Variants in PCDHGA5 observed in about 807,000 individuals in gnomAD.
PCDHGA5 encodes the protein protocadherin gamma subfamily A, 5.
PCDHGA5 carries 36 observed loss-of-function variants against 56.7 expected under a neutral mutation model. The observed-to-expected ratio is 0.64, with a 90% CI of 0.49 to 0.84. The LOEUF (loss-of-function observed/expected upper bound fraction) is 0.84, where lower values mean the gene tolerates loss of function less well. Among genes scored for constraint, PCDHGA5 ranks in the 40% least tolerant of loss-of-function variants. The probability of loss-of-function intolerance (pLI) is 0.00; values close to 1 mark genes in which losing one functional copy is unlikely to be tolerated. For missense variants in PCDHGA5, 1,305 were observed against 1,201.5 expected, an observed-to-expected ratio of 1.09 and a Z score of -1.27; for synonymous variants, 563 against 520.2, an observed-to-expected ratio of 1.08 and a Z score of -1.12.
At chr5:141,392,965 A>C in intron 1 of PCDHGA5, 1 of 1,613,890 alleles carries the variant, frequency 6.2e-7, no homozygotes, top group East Asian at 2.2e-5. Context: ...ATCTCCAAGG[A>C]CCTGGGGCTG....
chr5:141,419,894 C>G, intron 1 of PCDHGA5: 1 of 1,613,926 alleles, frequency 6.2e-7, no homozygotes, highest in Non-Finnish European at 8.5e-7. Flanking sequence ...CAGCGACCAT[C>G]CCACACCCTC....
chr5:141,432,650 G>T lies in PCDHGA5; in HGVS notation c.2422-62157G>T. 6.2e-7 allele frequency: 1 copy of T among 1,613,868 alleles called. No individual in the cohort carries two copies. The highest frequency in any genetic ancestry group is 1.1e-5 in the South Asian group (1 of 91,064). On this transcript the variant is annotated intron_variant, in intron 1 of 3. Transcript: ENST00000518069. The surrounding 1 kb of genome is among the most constrained non-coding windows in gnomAD (Gnocchi z 6.0). The stretch of plus-strand genomic sequence containing the variant: ...CACGGGCGAGGTGCGCACGGCGCGA[G>T]CCCTGCTGGACAGAGACGCGCTCAA...
chr5:141,501,715 C>G lies in PCDHGA5; in HGVS notation c.2481-3678C>G, dbSNP rs139761188. On this transcript the variant is annotated intron_variant, in intron 2 of 3. Coordinates refer to ENST00000518069, the MANE Select transcript of PCDHGA5 (RefSeq NM_018918.3). ...AGGGTGATTCCGAGGATAAAAAAGA[C>G]AAATATATTACCCAGTCAGCTTAGA... 1.3e-3 allele frequency among the ~76,000 whole-genome samples: 192 copies of G among 152,192 alleles called. 1 individual carries two copies. The highest frequency in any genetic ancestry group is 4.5e-3 in the African/African-American group (185 of 41,512).
intron 1 of PCDHGA5, among the ~76,000 whole-genome samples, chr5:141,460,478 A>G (rs989135238): frequency 6.6e-5 from 10 of 152,136 alleles, no homozygotes; most frequent in African/African-American, 2.4e-4. Context: ...GGAATATCCA[A>G]TTGTCTCTTT....
In PCDHGA5 at chr5:141,434,786, T is replaced by A. The variant is rs867453805; in HGVS notation, c.2422-60021T>A. ...TTCACACTTCTAAAAAAAAAAAAAT[T>A]TTTTTTTCTGAGCTTGGAGAAATAT... On this transcript the variant is annotated intron_variant, in intron 1 of 3. Coordinates refer to ENST00000518069, the MANE Select transcript of PCDHGA5 (RefSeq NM_018918.3). 6.8e-4 allele frequency among the ~76,000 whole-genome samples: 102 copies of A among 150,682 alleles called. 1 individual carries two copies. The highest frequency in any genetic ancestry group is 1.8e-3 in the African/African-American group (72 of 40,898).
At chr5:141,478,884 C>A in intron 1 of PCDHGA5, 1 of 1,194,298 alleles carries the variant, frequency 8.4e-7, no homozygotes, top group Non-Finnish European at 1.1e-6. Flanking sequence ...AGCTTGGTAT[C>A]ATTTACATTA....
chr5:141,476,642 C>T lies in PCDHGA5; in HGVS notation c.2422-18165C>T. On this transcript the variant is annotated intron_variant, in intron 1 of 3. Transcript: ENST00000518069. This position sits in a 1 kb window ranked among gnomAD's most constrained non-coding sequence, Gnocchi z 7.6. The stretch of plus-strand genomic sequence containing the variant: ...CTCTTTACAAACCTATGAGCTGAGC[C>T]GAAATGAATACTTTGCGCTTCGCGT... The T allele has an allele frequency of 1.9e-6, 3 of 1,614,240 alleles. No individual in the cohort carries two copies. The highest frequency in any genetic ancestry group is 2.5e-6 in the Non-Finnish European group (3 of 1,180,050).
At position 141,421,915 on chromosome 5, in the gene PCDHGA5, C is replaced by T. The variant is rs751221129; in HGVS notation, c.2421+55164C>T. ...CATCCGAAAGGGCGCAGTTCCCATT[C>T]GTGTGGTGGTCCTCGATGTAAATGA... is the stretch of plus-strand genomic sequence containing the variant. On this transcript the variant is annotated intron_variant, in intron 1 of 3. Transcript: ENST00000518069. 18 of 1,613,504 alleles carry T rather than the reference C, an allele frequency of 1.1e-5. No individual in the cohort carries two copies. The South Asian group carries it at 1.5e-4, about 14-fold the overall frequency.
chr5:141,505,041 C>T (rs1028101225), intron 2 of PCDHGA5, among the ~76,000 whole-genome samples: 4 of 152,142 alleles, frequency 2.6e-5, no homozygotes, highest in African/African-American at 9.7e-5. Flanking sequence ...AGGTGCCTGT[C>T]ATCCCAGCTA....
chr5:141,449,916 T>C (rs1453191109), intron 1 of PCDHGA5, among the ~76,000 whole-genome samples: 1 of 151,912 alleles, frequency 6.6e-6, no homozygotes, highest in East Asian at 1.9e-4. Context: ...CATATTTAAA[T>C]TCTACCATAC....
Position 141,485,890 on chromosome 5 carries a change from C to G in PCDHGA5, c.2422-8917C>G. 4 of 1,614,156 alleles carry G rather than the reference C, an allele frequency of 2.5e-6. No individual in the cohort carries two copies. Among genetic ancestry groups the G allele is most frequent in the Non-Finnish European group, 2.5e-6 (3 of 1,180,022 alleles). The stretch of plus-strand genomic sequence containing the variant: ...CCGTGCTGGACGTAAACGACAACGC[C>G]CCAGCCTTCCAGCAATCCAGCTACA... On this transcript the variant is annotated intron_variant, in intron 1 of 3. Coordinates refer to ENST00000518069, the MANE Select transcript of PCDHGA5 (RefSeq NM_018918.3). The surrounding 1 kb of genome is among the most constrained non-coding windows in gnomAD (Gnocchi z 5.7).
Position 141,491,732 on chromosome 5 carries a change from C to G in PCDHGA5, c.2422-3075C>G. ...GGCTCGGCGCCGCCCCGGGCGACCC[C>G]TGGGGGCGGCACTGGAGAAGCCGCC... On this transcript the variant is annotated intron_variant, in intron 1 of 3. Coordinates refer to ENST00000518069, the MANE Select transcript of PCDHGA5 (RefSeq NM_018918.3). This position sits in a 1 kb window ranked among gnomAD's most constrained non-coding sequence, Gnocchi z 6.9. The G allele has an allele frequency of 1.2e-6, 2 of 1,602,752 alleles. No individual in the cohort carries two copies. Among genetic ancestry groups the G allele is most frequent in the Non-Finnish European group, 1.7e-6 (2 of 1,175,308 alleles).
rs1027897777 is a variant in PCDHGA5, at chr5:141,510,812, C to T, written c.2570-135C>T. 151 of 1,531,674 alleles carry T rather than the reference C, an allele frequency of 9.9e-5. 1 individual carries two copies. The highest frequency in any genetic ancestry group is 2.5e-5 in the South Asian group (2 of 80,152). 94.9% of individuals were successfully genotyped at this position (1,531,674 alleles called of 1,614,324 possible). A position where few individuals can be genotyped will look rare whatever the true frequency, so the allele number is the denominator to read the frequency against. On this transcript the variant is annotated intron_variant, in intron 3 of 3. Coordinates refer to ENST00000518069, the MANE Select transcript of PCDHGA5 (RefSeq NM_018918.3). ...TGTGAAGAGAGACTACCTTGGTGAC[C>T]CCTATATTCCCAGTGCTCAGCGTGG...
chr5:141,421,880 G>A (rs761272704), intron 1 of PCDHGA5: 3 of 1,613,600 alleles, frequency 1.9e-6, no homozygotes, highest in East Asian at 4.5e-5. Flanking sequence ...GCTTTAGATG[G>A]AGGCGATCCC....
intron 1 of PCDHGA5, chr5:141,389,468 C>T (rs772524229): frequency 1.2e-6 from 2 of 1,613,294 alleles, no homozygotes; most frequent in East Asian, 2.2e-5. Context: ...CCTTCGAACT[C>T]ACACTGCAGG....
chr5:141,409,495 T>C (rs777919409), intron 1 of PCDHGA5: 5 of 1,613,862 alleles, frequency 3.1e-6, no homozygotes, highest in Non-Finnish European at 4.2e-6. Context: ...GCAAGCCGCC[T>C]CTTTCTTCCA....
At chr5:141,415,504 C>A in intron 1 of PCDHGA5, 2 of 1,614,216 alleles carry the variant, frequency 1.2e-6, no homozygotes, top group Non-Finnish European at 1.7e-6. Context: ...CTTCCCCCAG[C>A]CCAATTATGC....
chr5:141,389,906 T>A, intron 1 of PCDHGA5: 1 of 1,614,086 alleles, frequency 6.2e-7, no homozygotes, highest in Non-Finnish European at 8.5e-7. Context: ...CGGATATCAC[T>A]GACCGCCCCG....
chr5:141,492,316 G>C (rs1283387204), intron 1 of PCDHGA5, among the ~76,000 whole-genome samples: 1 of 152,190 alleles, frequency 6.6e-6, no homozygotes. Context: ...CGCACTCCTC[G>C]CACGTGGGCT....
Sources: allele counts gnomAD v4.1 joint callset (sites outside exome capture counted in the v4.1 genomes callset), GRCh38; gene constraint gnomAD v4.1.1; non-coding constraint Gnocchi (gnomAD v3.1); transcripts MANE v1.5; gene names NCBI Gene and HGNC (gene_info 2026-07-23, HGNC 2026-07-21).